Variants in FBXO33 observed in about 807,000 individuals in gnomAD.
FBXO33 encodes the protein F-box protein 33.
Under a neutral mutation model 46.3 loss-of-function variants are expected in FBXO33, and 22 were observed. The observed-to-expected ratio is 0.48, with a 90% CI of 0.34 to 0.68. The LOEUF (loss-of-function observed/expected upper bound fraction) is 0.68, where lower values mean the gene tolerates loss of function less well. Ranked by LOEUF, FBXO33 falls within the 30% of genes least tolerant of loss-of-function variation. The pLI, the probability that FBXO33 is intolerant of heterozygous loss-of-function variation, is 0.01. For synonymous variants in FBXO33, 337 were observed against 291.3 expected, an observed-to-expected ratio of 1.16 and a Z score of -1.60; for missense variants, 692 against 708.8, an observed-to-expected ratio of 0.98 and a Z score of 0.27.
intron 2 of FBXO33, among the ~76,000 whole-genome samples, 178 bp downstream of exon 2, chr14:39,402,223 A>C (rs1285932818): frequency 6.6e-6 from 1 of 152,240 alleles, no homozygotes; most frequent in Non-Finnish European, 1.5e-5. Context: ...GATTTTTCTT[A>C]AAGATTTATG....
At chr14:39,424,335 C>T (rs997202049) in intron 1 of FBXO33, among the ~76,000 whole-genome samples, 3 of 152,146 alleles carry the variant, frequency 2.0e-5, no homozygotes, top group African/African-American at 7.2e-5. Context: ...CATATATTAC[C>T]AACTGAGATA....
intron 1 of FBXO33, among the ~76,000 whole-genome samples, chr14:39,429,298 C>A (rs1487801759): frequency 1.3e-5 from 2 of 151,990 alleles, no homozygotes; most frequent in Non-Finnish European, 2.9e-5. Context: ...TGATTCACAC[C>A]CCCTCTTTTC....
chr14:39,421,223 A>G (rs928649420), intron 1 of FBXO33, among the ~76,000 whole-genome samples: 12 of 152,216 alleles, frequency 7.9e-5, no homozygotes, highest in African/African-American at 2.7e-4. Flanking sequence ...GAAAAGTAGG[A>G]TTCATTTTTG....
chr14:39,415,737 G>A (rs1273407862), intron 1 of FBXO33, among the ~76,000 whole-genome samples: 1 of 152,018 alleles, frequency 6.6e-6, no homozygotes, highest in Non-Finnish European at 1.5e-5. Context: ...TGTGATCTCG[G>A]CTCACTGCAA....
At chr14:39,423,723 T>G (rs2075496753) in intron 1 of FBXO33, among the ~76,000 whole-genome samples, 2 of 152,178 alleles carry the variant, frequency 1.3e-5, no homozygotes, top group African/African-American at 4.8e-5. Context: ...TAAGTCAGGA[T>G]AATGGTTACC....
chr14:39,426,141 A>G (rs955287934), intron 1 of FBXO33, among the ~76,000 whole-genome samples: 14 of 151,880 alleles, frequency 9.2e-5, no homozygotes, highest in African/African-American at 3.4e-4. Context: ...TTATTTATTT[A>G]TTTTTTATTT....
rs1299431211 is a variant in FBXO33 at position 39,432,246 on chromosome 14, C to T, written c.-84G>A. On this transcript the variant is annotated 5_prime_UTR_variant, in exon 1 of 4. Transcript: ENST00000298097. ...ACAAGTTGTGGAGAGGGGGAAAGGC[C>T]TCTGCGGGCGTGGCCTGCCGGGAGC... 1 of 1,115,414 alleles carries T rather than the reference C, an allele frequency of 9.0e-7. No homozygotes were observed. Among genetic ancestry groups the T allele is most frequent in the East Asian group, 4.0e-5 (1 of 24,984 alleles). 69.1% of individuals were successfully genotyped at this position (1,115,414 alleles called of 1,614,324 possible).
At chr14:39,410,952 C>T (rs2075419310) in intron 1 of FBXO33, among the ~76,000 whole-genome samples, 1 of 148,074 alleles carries the variant, frequency 6.8e-6, no homozygotes, top group Non-Finnish European at 1.5e-5. Flanking sequence ...CAATGCCCAG[C>T]TTTGTTAGTC....
chr14:39,415,464 A>G (rs1273822080), intron 1 of FBXO33, among the ~76,000 whole-genome samples: 1 of 152,248 alleles, frequency 6.6e-6, no homozygotes, highest in Non-Finnish European at 1.5e-5. Flanking sequence ...AAAATGAATC[A>G]TAACAAAACA....
At chr14:39,417,887 T>A (rs1212116659) in intron 1 of FBXO33, among the ~76,000 whole-genome samples, 1 of 152,156 alleles carries the variant, frequency 6.6e-6, no homozygotes, top group Admixed American at 6.5e-5. Flanking sequence ...TCCTACTCTG[T>A]CATCGTGCCC....
intron 1 of FBXO33, among the ~76,000 whole-genome samples, chr14:39,417,482 C>G (rs1205831364): frequency 6.6e-6 from 1 of 152,094 alleles, no homozygotes; most frequent in Non-Finnish European, 1.5e-5. Flanking sequence ...GGTGCTACAA[C>G]TTATTAACTG....
chr14:39,419,211 A>C (rs1379645760), intron 1 of FBXO33, among the ~76,000 whole-genome samples: 1 of 152,244 alleles, frequency 6.6e-6, no homozygotes, highest in African/African-American at 2.4e-5. Flanking sequence ...CTTTCATTCA[A>C]GTGATAGGAA....
chr14:39,421,139 A>G (rs796928103), intron 1 of FBXO33, among the ~76,000 whole-genome samples: 1 of 152,264 alleles, frequency 6.6e-6, no homozygotes, highest in African/African-American at 2.4e-5. Flanking sequence ...AGGTGGCATT[A>G]AGATCAAAGA....
At chr14:39,399,850 C>T in intron 3 of FBXO33, 63 bp from the exon 4 acceptor site, 2 of 1,437,412 alleles carry the variant, frequency 1.4e-6, no homozygotes, top group Non-Finnish European at 1.8e-6. Context: ...TTTGGTAAGT[C>T]TGTCTTTTCC....
chr14:39,417,026 C>G (rs1030149095), intron 1 of FBXO33, among the ~76,000 whole-genome samples: 2 of 152,196 alleles, frequency 1.3e-5, no homozygotes, highest in African/African-American at 2.4e-5. Flanking sequence ...TTGTCACAGG[C>G]ATCCAGGCTC....
intron 1 of FBXO33, among the ~76,000 whole-genome samples, chr14:39,419,443 G>C (rs183530383): frequency 7.9e-4 from 120 of 152,332 alleles, no homozygotes; most frequent in African/African-American, 2.7e-3. Flanking sequence ...CAAGGAAACT[G>C]CATATAGCCT....
intron 1 of FBXO33, among the ~76,000 whole-genome samples, chr14:39,410,396 A>G (rs1250276330): frequency 2.0e-5 from 3 of 152,230 alleles, no homozygotes; most frequent in Non-Finnish European, 4.4e-5. Flanking sequence ...CATTTAGGAT[A>G]TACGATCCTT....
At chr14:39,409,394 G>A (rs1392337440) in intron 1 of FBXO33, among the ~76,000 whole-genome samples, 1 of 152,092 alleles carries the variant, frequency 6.6e-6, no homozygotes, top group Non-Finnish European at 1.5e-5. Context: ...AATCATAAAT[G>A]AGTGGGTTTA....
chr14:39,399,368 G>T lies in FBXO33; in HGVS notation c.*148C>A. 1.5e-6 allele frequency: 1 copy of T among 687,526 alleles called. No individual in the cohort carries two copies. The highest frequency in any genetic ancestry group is 1.8e-5 in the African/African-American group (1 of 55,844). The allele number at this position is 687,526 out of a possible 1,614,324, so 42.6% of individuals were successfully genotyped here. A position where few individuals can be genotyped will look rare whatever the true frequency, so the allele number is the denominator to read the frequency against. On this transcript the variant is annotated 3_prime_UTR_variant, in exon 4 of 4. Transcript: ENST00000298097. ...AAACCAATACCCGACTACGTTCTTT[G>T]ATCAAGAAGTAGAATATACATATAT...
Sources: gnomAD v4.1 joint callset for allele counts (sites outside exome capture counted in the v4.1 genomes callset) on GRCh38, gnomAD v4.1.1 for gene constraint, MANE v1.5 for transcripts, NCBI Gene and HGNC (gene_info 2026-07-23, HGNC 2026-07-21) for gene names.